The following MUSK variants were observed in gnomAD, a reference collection of about 807,000 sequenced individuals.
MUSK encodes muscle associated receptor tyrosine kinase.
Under a neutral mutation model 88.7 loss-of-function variants are expected in MUSK, and 55 were observed. The ratio of observed to expected loss-of-function variants is 0.62; its 90% CI spans 0.50 to 0.78. The LOEUF is 0.78. Among genes scored for constraint, MUSK ranks in the 30% least tolerant of loss-of-function variants. The pLI is 0.00. For synonymous variants in MUSK, 387 were observed against 391.9 expected (o/e 0.99, Z 0.15); for missense variants, 1,015 against 1,074.3 (o/e 0.94, Z 0.77).
rs1182930876 is a variant in MUSK at position 110,802,496 on chromosome 9, A to G, written c.*1508A>G. ...AGTAGATTTTCGCTGTCTGCTGGAAAACTCTGCCTGAAATCCCCAAATCTG... is the reference window on the plus strand; with the variant it reads ...AGTAGATTTTCGCTGTCTGCTGGAAGACTCTGCCTGAAATCCCCAAATCTG... On this transcript the variant is annotated 3_prime_UTR_variant, in exon 15 of 15. Transcript: ENST00000374448. Among the ~76,000 whole-genome samples the G allele has an allele frequency of 6.6e-6, 1 of 152,154 alleles. No homozygotes were observed. Among genetic ancestry groups the G allele is most frequent in the Non-Finnish European group, 1.5e-5 (1 of 68,018 alleles).
chr9:110,681,006 T>TA (rs1554732298), intron 1 of MUSK, among the ~76,000 whole-genome samples: 1 of 41,954 alleles, frequency 2.4e-5, no homozygotes, highest in Non-Finnish European at 4.2e-5. Context: ...ATATATTATA[T>TA]TATATATAAT....
At chr9:110,672,267 G>A (rs114395121) in intron 1 of MUSK, among the ~76,000 whole-genome samples, 111 of 152,256 alleles carry the variant, frequency 7.3e-4, no homozygotes, top group African/African-American at 2.6e-3. Context: ...ACCTGATGTC[G>A]TTGAAGGAGA....
intron 5 of MUSK, among the ~76,000 whole-genome samples, chr9:110,718,280 TC>T (rs1312759364): frequency 6.6e-6 from 1 of 152,048 alleles, no homozygotes; most frequent in Non-Finnish European, 1.5e-5. Context: ...TGGTCTAGCT[TC>T]AAAAGCCACA....
chr9:110,697,495 G>T (rs377403553), intron 5 of MUSK, 29 bp downstream of exon 5: 4 of 1,598,446 alleles, frequency 2.5e-6, no homozygotes, highest in Non-Finnish European at 3.4e-6. Flanking sequence ...TCCCCTGACT[G>T]TGTGACCAGG....
intron 7 of MUSK, among the ~76,000 whole-genome samples, chr9:110,755,937 T>TATATATATATACATATATATATAC (rs1554750760): frequency 1.1e-5 from 1 of 88,372 alleles, no homozygotes; most frequent in Non-Finnish European, 2.2e-5. Flanking sequence ...TATATACATA[T>TATATATATATACATATATATATAC]ATATATATAT....
At chr9:110,672,741 A>C (rs149380318) in intron 1 of MUSK, among the ~76,000 whole-genome samples, 146 of 152,294 alleles carry the variant, frequency 9.6e-4, no homozygotes, top group African/African-American at 3.4e-3. Context: ...CTAAAATAGA[A>C]AGGAGCAAAT....
At chr9:110,745,234 T>C (rs989993754) in intron 6 of MUSK, among the ~76,000 whole-genome samples, 3 of 152,190 alleles carry the variant, frequency 2.0e-5, no homozygotes, top group African/African-American at 7.2e-5. Flanking sequence ...AAAAATTGCT[T>C]CTCTTTCCTA....
rs772203850 is a variant in MUSK at position 110,801,025 on chromosome 9, C to G, written c.*37C>G. 1 of 1,470,840 alleles carries G rather than the reference C, an allele frequency of 6.8e-7. No homozygotes were observed. The highest frequency in any genetic ancestry group is 9.0e-7 in the Non-Finnish European group (1 of 1,114,604). 91.1% of individuals were successfully genotyped at this position (1,470,840 alleles called of 1,614,324 possible). A position where few individuals can be genotyped will look rare whatever the true frequency, so the allele number is the denominator to read the frequency against. The stretch of plus-strand genomic sequence containing the variant: ...TTCAAATAAAATGCTGCAGTTTCCT[C>G]TCAGACTCTGTGAGCCAGGGGAATC... On this transcript the variant is annotated 3_prime_UTR_variant, in exon 15 of 15. Coordinates refer to ENST00000374448, the MANE Select transcript of MUSK (RefSeq NM_005592.4).
At chr9:110,779,459 T>C (rs2077719944) in intron 11 of MUSK, among the ~76,000 whole-genome samples, 1 of 152,156 alleles carries the variant, frequency 6.6e-6, no homozygotes, top group African/African-American at 2.4e-5. Context: ...CTCTGTAGTC[T>C]TCTCTTCTTC....
intron 2 of MUSK, 86 bp downstream of exon 2, chr9:110,682,886 G>C: frequency 1.1e-6 from 1 of 948,470 alleles, no homozygotes; most frequent in Non-Finnish European, 1.5e-6. Context: ...AAGTAGATGA[G>C]ATGTTTTGAT....
intron 5 of MUSK, among the ~76,000 whole-genome samples, chr9:110,724,796 A>G (rs149761923): frequency 0.013 from 1,926 of 152,140 alleles, 31 homozygotes; most frequent in African/African-American, 0.044. Flanking sequence ...TTGTAATATC[A>G]TAACACCAAC....
At chr9:110,712,534 A>G (rs890551880) in intron 5 of MUSK, among the ~76,000 whole-genome samples, 2 of 152,154 alleles carry the variant, frequency 1.3e-5, no homozygotes, top group African/African-American at 4.8e-5. Flanking sequence ...TTACTAAATG[A>G]CACAGCTTCA....
Position 110,775,825 on chromosome 9 carries a change from A to G in MUSK, c.1222A>G (p.Lys408Glu), listed in dbSNP as rs372316254. 130 of 1,613,914 alleles carry G rather than the reference A, an allele frequency of 8.1e-5. No individual in the cohort carries two copies. The highest frequency in any genetic ancestry group is 1.1e-4 in the Non-Finnish European group (128 of 1,179,834). ...CLAVKELFCA[K>E]EWLVMEEKTH... ...GGCAGTAAAGGAGCTCTTCTGCGCA[A>G]AAGAATGGCTGGTAATGGAAGAGAA... The change falls in exon 10 of 15, where the codon AAA becomes GAA. Residue 408 changes from lysine (K) to glutamate (E), a missense_variant. By Grantham distance (56) the Lys-to-Glu change is moderately conservative. Coordinates refer to ENST00000374448, the MANE Select transcript of MUSK (RefSeq NM_005592.4).
intron 7 of MUSK, among the ~76,000 whole-genome samples, chr9:110,757,883 T>A (rs112051967): frequency 3.4e-4 from 52 of 152,350 alleles, no homozygotes; most frequent in African/African-American, 1.3e-3. Flanking sequence ...GTATTCGTAT[T>A]TTAAAAGAAT....
At chr9:110,776,054 C>A in intron 10 of MUSK, 91 bp downstream of exon 10, 1 of 1,387,056 alleles carries the variant, frequency 7.2e-7, no homozygotes, top group Non-Finnish European at 9.7e-7. Flanking sequence ...TCTAATATTT[C>A]TAGGCATTTC....
intron 6 of MUSK, among the ~76,000 whole-genome samples, chr9:110,743,994 A>T (rs1398040183): frequency 6.7e-6 from 1 of 149,688 alleles, no homozygotes; most frequent in Non-Finnish European, 1.5e-5. Flanking sequence ...CCCAAGATGG[A>T]GTCTTGCTCT....
At chr9:110,757,649 C>A (rs116412521) in intron 7 of MUSK, among the ~76,000 whole-genome samples, 14 of 145,690 alleles carry the variant, frequency 9.6e-5, no homozygotes, top group African/African-American at 1.0e-4. Context: ...GCCAATTTGT[C>A]AAAAAAAAAA....
chr9:110,715,545 T>C (rs1264758945), intron 5 of MUSK, among the ~76,000 whole-genome samples: 1 of 148,962 alleles, frequency 6.7e-6, no homozygotes, highest in African/African-American at 2.6e-5. Context: ...GGTGTTCTTA[T>C]TTACCAAATG....
chr9:110,671,928 T>C (rs1172767791), intron 1 of MUSK, among the ~76,000 whole-genome samples: 1 of 152,194 alleles, frequency 6.6e-6, no homozygotes, highest in Non-Finnish European at 1.5e-5. Flanking sequence ...GTTGAAGTGT[T>C]TGAGCGTACG....
Sources: gnomAD v4.1 joint callset for allele counts (sites outside exome capture counted in the v4.1 genomes callset) on GRCh38, gnomAD v4.1.1 for gene constraint, MANE v1.5 for transcripts, NCBI Gene and HGNC (gene_info 2026-07-23, HGNC 2026-07-21) for gene names.